The following LAMA1 variants were observed in gnomAD, a reference collection of about 807,000 sequenced individuals.
LAMA1 encodes laminin subunit alpha 1, also known as laminin subunit alpha-1.
A neutral mutation model predicts 348.7 loss-of-function variants in LAMA1; 219 were observed. The ratio of observed to expected loss-of-function variants is 0.63; its 90% CI spans 0.56 to 0.70. The LOEUF is 0.70. LAMA1 is among the 30% of genes least tolerant of loss of function. The pLI is 0.00. For synonymous variants in LAMA1, 1,487 were observed against 1,491.0 expected (o/e 1.00, Z 0.06); for missense variants, 3,744 against 3,888.0 (o/e 0.96, Z 0.99).
At chr18:7,003,498 T>A (rs2057817931) in intron 29 of LAMA1, among the ~76,000 whole-genome samples, 1 of 152,174 alleles carries the variant, frequency 6.6e-6, no homozygotes, top group Non-Finnish European at 1.5e-5. Context: ...GACCTTGTGA[T>A]CTGCCCGCCT....
chr18:7,079,743 T>C, intron 3 of LAMA1: 1 of 551,996 alleles, frequency 1.8e-6, no homozygotes, highest in East Asian at 3.2e-5. Flanking sequence ...TCGAAGAACA[T>C]CAACCATATG....
At chr18:6,961,089 A>G (rs772413136) in intron 53 of LAMA1, among the ~76,000 whole-genome samples, 2 of 152,224 alleles carry the variant, frequency 1.3e-5, no homozygotes, top group Non-Finnish European at 2.9e-5. Flanking sequence ...GAAAAGGAAC[A>G]TAAATAAGGA....
At chr18:6,996,575 C>T (rs1179562083) in intron 33 of LAMA1, among the ~76,000 whole-genome samples, 2 of 151,958 alleles carry the variant, frequency 1.3e-5, no homozygotes, top group Non-Finnish European at 2.9e-5. Context: ...GAGTTCAAGA[C>T]CAGCCTGCAC....
chr18:6,951,902 A>T (rs1193227645), intron 57 of LAMA1, among the ~76,000 whole-genome samples: 1 of 152,208 alleles, frequency 6.6e-6, no homozygotes, highest in African/African-American at 2.4e-5. Context: ...CGGCAACGGC[A>T]AAGAGCAGGA....
chr18:7,104,668 G>A (rs536332761), intron 1 of LAMA1, among the ~76,000 whole-genome samples: 181 of 152,356 alleles, frequency 1.2e-3, no homozygotes, highest in Non-Finnish European at 2.1e-3. Context: ...CCACTCAATA[G>A]AGAATGAGAT....
intron 62 of LAMA1, among the ~76,000 whole-genome samples, 167 bp from the exon 63 acceptor site, chr18:6,942,406 A>T (rs1201051377): frequency 6.6e-6 from 1 of 152,112 alleles, no homozygotes; most frequent in Non-Finnish European, 1.5e-5. Context: ...TGACTAGCAG[A>T]ATTCAGAGAA....
intron 58 of LAMA1, 88 bp downstream of exon 58, chr18:6,950,694 A>G: frequency 1.4e-6 from 2 of 1,413,010 alleles, no homozygotes; most frequent in Non-Finnish European, 2.0e-6. Flanking sequence ...ATTAATGGGG[A>G]TAATGTGCCT....
At chr18:7,039,802 G>T (rs1200210222) in intron 10 of LAMA1, among the ~76,000 whole-genome samples, 2 of 152,128 alleles carry the variant, frequency 1.3e-5, no homozygotes, top group Non-Finnish European at 2.9e-5. Context: ...GAATATAAAG[G>T]TATGCAGTGT....
In LAMA1 at chr18:7,040,142, G is replaced by A. The variant is rs1486428808; in HGVS notation, c.1356C>T (p.Val452=). 3 of 1,614,164 alleles carry A rather than the reference G, an allele frequency of 1.9e-6. No individual in the cohort carries two copies. In the South Asian group the frequency reaches 3.3e-5, roughly 18 times the overall value. The change falls in exon 10 of 63, where the codon GTC becomes GTT. Residue 452 remains valine, a synonymous_variant. Transcript: ENST00000389658. ...QLGYKDYPTC[V]SCGCNPVGSA... is the part of the protein sequence containing the mutation. The stretch of plus-strand genomic sequence containing the variant: ...TGCCCACTGGGTTGCACCCACAGGA[G>A]ACACAGGTCGGGTAATCCTTATAGC...
chr18:7,019,736 C>T (rs1310541013), intron 19 of LAMA1, among the ~76,000 whole-genome samples: 1 of 139,760 alleles, frequency 7.2e-6, no homozygotes, highest in Non-Finnish European at 1.5e-5. Flanking sequence ...GGCTGGAGTG[C>T]CGTGGCGCAA....
chr18:6,961,492 T>C lies in LAMA1; in HGVS notation c.7626+94A>G, dbSNP rs8097364. ...CATCCATAAACAACCAGGAACACGGTGACAATAAATGTTTATGAGTCAGTC... is the reference window on the plus strand; with the variant it reads ...CATCCATAAACAACCAGGAACACGGCGACAATAAATGTTTATGAGTCAGTC... On this transcript the variant is annotated intron_variant, in intron 53 of 62. Coordinates refer to ENST00000389658, the MANE Select transcript of LAMA1 (RefSeq NM_005559.4). 27,196 of 1,439,280 alleles carry C rather than the reference T, an allele frequency of 0.019. 3,570 individuals carry two copies. The African/African-American group carries it at 0.31, about 16-fold the overall frequency. 89.2% of individuals were successfully genotyped at this position (1,439,280 alleles called of 1,614,324 possible). A position where few individuals can be genotyped will look rare whatever the true frequency, so the allele number is the denominator to read the frequency against.
At chr18:6,986,786 A>T (rs12968780) in intron 36 of LAMA1, among the ~76,000 whole-genome samples, 27,273 of 152,104 alleles carry the variant, frequency 0.18, 3,046 homozygotes, top group Non-Finnish European at 0.26. Flanking sequence ...TTGAGAGAAG[A>T]CTTGCTCTTG....
At chr18:6,947,420 C>T (rs2057527090) in intron 60 of LAMA1, 124 bp from the exon 61 acceptor site, 1 of 1,129,894 alleles carries the variant, frequency 8.9e-7, no homozygotes, top group Non-Finnish European at 1.3e-6. Context: ...AGCTGCATCC[C>T]CACCAGCAGG....
At position 7,012,073 on chromosome 18, in the gene LAMA1, G is replaced by T; in HGVS notation, c.3429C>A (p.Asn1143Lys). Residue 1143 changes from asparagine to lysine, a missense_variant, in exon 24 of 63, where the codon AAC (asparagine) becomes AAA (lysine). Asn to Lys is a moderately conservative substitution (Grantham distance 94). This residue lies in a region of LAMA1 where 1,529 missense variants were observed against 1,689.4 expected (regional missense o/e 0.91). Coordinates refer to ENST00000389658, the MANE Select transcript of LAMA1 (RefSeq NM_005559.4). ...REGTFALRAD[N>K]PLGCSPCFCS... ...AGAAGCACGGGCTGCAGCCCAGGGG[G>T]TTGTCTGCGCGGAGAGCGAAGGTGC... The T allele has an allele frequency of 6.2e-7, 1 of 1,613,230 alleles. No homozygotes were observed. Among genetic ancestry groups the T allele is most frequent in the South Asian group, 1.1e-5 (1 of 90,836 alleles).
intron 1 of LAMA1, among the ~76,000 whole-genome samples, chr18:7,117,083 G>A (rs1248612809): frequency 6.6e-6 from 1 of 152,110 alleles, no homozygotes; most frequent in Non-Finnish European, 1.5e-5. Context: ...CCCCTGCCCG[G>A]GACGGCTGGC....
chr18:7,017,428 G>T, intron 19 of LAMA1, 44 bp from the exon 20 acceptor site: 1 of 1,386,428 alleles, frequency 7.2e-7, no homozygotes, highest in South Asian at 1.2e-5. Context: ...CACTTCTGAG[G>T]ATGGTTATCA....
At chr18:6,972,411 C>A (rs2057662508) in intron 47 of LAMA1, among the ~76,000 whole-genome samples, 1 of 152,156 alleles carries the variant, frequency 6.6e-6, no homozygotes, top group Admixed American at 6.5e-5. Flanking sequence ...TTGCTAAACA[C>A]TGATTAGTAT....
At chr18:7,023,557 G>C (rs74725151) in intron 18 of LAMA1, among the ~76,000 whole-genome samples, 182 bp from the exon 19 acceptor site, 17,649 of 152,150 alleles carry the variant, frequency 0.12, 1,306 homozygotes, top group Middle Eastern at 0.16. Flanking sequence ...CGCGGTGAAG[G>C]GGGAGAGCAT....
In LAMA1 at chr18:7,007,287, G is replaced by A; in HGVS notation, c.4123-11C>T. The A allele has an allele frequency of 6.2e-7, 1 of 1,611,684 alleles. No individual in the cohort carries two copies. On this transcript the variant is annotated splice_polypyrimidine_tract_variant and intron_variant, in intron 28 of 62. Transcript: ENST00000389658. Reference sequence around the variant, plus strand: ...CCCAGGGGCGCAGTCCTGAGGGGGTGCAAAAGGGAGGACAAAAAAGTCTGA... The same window carrying A: ...CCCAGGGGCGCAGTCCTGAGGGGGTACAAAAGGGAGGACAAAAAAGTCTGA...
Sources: gnomAD v4.1 joint callset for allele counts (sites outside exome capture counted in the v4.1 genomes callset) on GRCh38, gnomAD v4.1.1 for gene constraint, gnomAD v4.1.1 regional missense constraint, MANE v1.5 for transcripts, NCBI Gene and HGNC (gene_info 2026-07-23, HGNC 2026-07-21) for gene names.